Variants in MED12L observed in about 807,000 individuals in gnomAD.
MED12L encodes the protein mediator of RNA polymerase II transcription subunit 12-like protein.
Under a neutral mutation model 281.3 loss-of-function variants are expected in MED12L, and 60 were observed. The ratio of observed to expected loss-of-function variants is 0.21; its 90% CI spans 0.17 to 0.26. The LOEUF is 0.26. Among genes scored for constraint, MED12L ranks in the 10% least tolerant of loss-of-function variants. The pLI is 1.00. For synonymous variants in MED12L, 974 were observed against 987.2 expected, an observed-to-expected ratio of 0.99 and a Z score of 0.25; for missense variants, 2,146 against 2,680.9, an observed-to-expected ratio of 0.80 and a Z score of 4.41.
intron 16 of MED12L, among the ~76,000 whole-genome samples, chr3:151,309,146 C>CAT (rs1160272746): frequency 1.3e-5 from 2 of 150,912 alleles, no homozygotes; most frequent in Admixed American, 6.6e-5. Flanking sequence ...CACACGCACA[C>CAT]ACACACACAC....
At chr3:151,330,975 A>G (rs972211967) in intron 16 of MED12L, among the ~76,000 whole-genome samples, 1 of 152,210 alleles carries the variant, frequency 6.6e-6, no homozygotes, top group Admixed American at 6.5e-5. Flanking sequence ...TCCATAATCT[A>G]AAGGAAGATC....
At chr3:151,138,512 C>T (rs1716474166) in intron 5 of MED12L, among the ~76,000 whole-genome samples, 1 of 152,110 alleles carries the variant, frequency 6.6e-6, no homozygotes, top group South Asian at 2.1e-4. Flanking sequence ...GACCCTTTTC[C>T]ATTTCAGGAT....
chr3:151,248,697 G>T (rs1007621302), intron 16 of MED12L, among the ~76,000 whole-genome samples: 1 of 152,132 alleles, frequency 6.6e-6, no homozygotes, highest in South Asian at 2.1e-4. Context: ...AATTTAACTA[G>T]ACTTGGTTTA....
chr3:151,206,511 G>T (rs548827356), intron 16 of MED12L, among the ~76,000 whole-genome samples: 51 of 151,664 alleles, frequency 3.4e-4, no homozygotes, highest in Non-Finnish European at 6.5e-4. Flanking sequence ...GATAATTTAT[G>T]GAGGGGAAAT....
chr3:151,246,116 A>G (rs1284307132), intron 16 of MED12L, among the ~76,000 whole-genome samples: 1 of 151,546 alleles, frequency 6.6e-6, no homozygotes, highest in Non-Finnish European at 1.5e-5. Context: ...CAAGGAAATA[A>G]AAGAGGATAC....
chr3:151,280,858 C>CT (rs1353577445), intron 16 of MED12L, among the ~76,000 whole-genome samples: 1 of 151,496 alleles, frequency 6.6e-6, no homozygotes, highest in Non-Finnish European at 1.5e-5. Context: ...GTAACTATTC[C>CT]TTTTTTTCAC....
At chr3:151,295,406 C>A in intron 16 of MED12L, 1 of 569,168 alleles carries the variant, frequency 1.8e-6, no homozygotes, top group Non-Finnish European at 3.1e-6. Context: ...CACTACCCTG[C>A]CTCCCTCATA....
intron 16 of MED12L, among the ~76,000 whole-genome samples, chr3:151,244,554 G>A (rs1734941701): frequency 6.6e-6 from 1 of 150,988 alleles, no homozygotes; most frequent in African/African-American, 2.4e-5. Flanking sequence ...AAATAAAGAT[G>A]TTCTTTGAAA....
intron 16 of MED12L, among the ~76,000 whole-genome samples, chr3:151,242,340 G>T (rs1210124960): frequency 2.0e-5 from 3 of 152,258 alleles, no homozygotes; most frequent in Non-Finnish European, 2.9e-5. Flanking sequence ...CAAACAAAAA[G>T]ACAGCAGTAA....
intron 16 of MED12L, among the ~76,000 whole-genome samples, chr3:151,241,097 TGTTA>T (rs749647754): frequency 3.9e-5 from 6 of 152,028 alleles, no homozygotes; most frequent in Non-Finnish European, 7.4e-5. Context: ...TACTTGGAAG[TGTTA>T]GTTAGAAGTC....
intron 2 of MED12L, among the ~76,000 whole-genome samples, chr3:151,105,454 C>T (rs1161611337): frequency 6.6e-6 from 1 of 152,180 alleles, no homozygotes; most frequent in Non-Finnish European, 1.5e-5. Context: ...ACACCCCTCT[C>T]AGGTCACCCG....
At chr3:151,135,116 C>G (rs146810636) in intron 5 of MED12L, among the ~76,000 whole-genome samples, 310 of 151,042 alleles carry the variant, frequency 2.1e-3, no homozygotes, top group Middle Eastern at 3.4e-3. Context: ...AACCTCCGCT[C>G]TCAGGTTCAA....
rs191071248 is a variant in MED12L at position 151,109,592 on chromosome 3, G to A, written c.100-6746G>A. ...AAATCCATGTGCACAATGGTTTGGT[G>A]CACTGCTACTCTGGGCCGCTTGGTG... On this transcript the variant is annotated intron_variant, in intron 2 of 44. Coordinates refer to ENST00000687756, the MANE Select transcript of MED12L (RefSeq NM_001393769.1). Among the ~76,000 whole-genome samples, 44 of 152,288 alleles carry A rather than the reference G, an allele frequency of 2.9e-4. No individual in the cohort carries two copies. The East Asian group carries it at 7.1e-3, about 25-fold the overall frequency.
chr3:151,427,408 C>T (rs1718997169), intron 43 of MED12L, among the ~76,000 whole-genome samples: 2 of 152,170 alleles, frequency 1.3e-5, no homozygotes, highest in South Asian at 4.1e-4. Context: ...AACTCCCCAA[C>T]ACACACACGC....
intron 16 of MED12L, among the ~76,000 whole-genome samples, chr3:151,347,176 C>T (rs1036736235): frequency 5.3e-5 from 8 of 152,134 alleles, no homozygotes; most frequent in African/African-American, 7.2e-5. Context: ...CTTTGTCTCT[C>T]ACATCTCCCC....
chr3:151,377,295 G>T, intron 30 of MED12L, 117 bp downstream of exon 30: 2 of 754,712 alleles, frequency 2.7e-6, no homozygotes, highest in East Asian at 5.4e-5. Context: ...ATAGTTACTT[G>T]TAAGCAGGGA....
At chr3:151,309,141 G>GCACACACACACACACACACGCA (rs1553775156) in intron 16 of MED12L, among the ~76,000 whole-genome samples, 3 of 147,508 alleles carry the variant, frequency 2.0e-5, no homozygotes, top group African/African-American at 7.5e-5. Context: ...ACACACACAC[G>GCACACACACACACACACACGCA]CACACACACA....
chr3:151,415,479 G>A (rs921627462), intron 42 of MED12L, among the ~76,000 whole-genome samples: 1 of 152,232 alleles, frequency 6.6e-6, no homozygotes, highest in Non-Finnish European at 1.5e-5. Flanking sequence ...AGATCCATGA[G>A]CATTGTCACT....
intron 31 of MED12L, 146 bp from the exon 32 acceptor site, chr3:151,379,967 G>C (rs551177244): frequency 8.3e-5 from 45 of 541,254 alleles, no homozygotes; most frequent in Non-Finnish European, 1.1e-4. Flanking sequence ...TTTATAAGTA[G>C]AGGTATGATT....
Sources: gnomAD v4.1 joint callset for allele counts (sites outside exome capture counted in the v4.1 genomes callset) on GRCh38, gnomAD v4.1.1 for gene constraint, MANE v1.5 for transcripts, NCBI Gene and HGNC (gene_info 2026-07-23, HGNC 2026-07-21) for gene names.